Variants in ZPLD1 observed in about 807,000 individuals in gnomAD.
ZPLD1 encodes zona pellucida like domain containing 1.
Under a neutral mutation model 47.2 loss-of-function variants are expected in ZPLD1, and 34 were observed. The ratio of observed to expected loss-of-function variants is 0.72; its 90% confidence interval spans 0.55 to 0.96. ZPLD1 has a LOEUF of 0.96. ZPLD1 is among the 40% of genes least tolerant of loss of function. The pLI, the probability that ZPLD1 is intolerant of heterozygous loss-of-function variation, is 0.00. For missense variants in ZPLD1, 512 were observed against 505.8 expected, an observed-to-expected ratio of 1.01 and a Z score of -0.12; for synonymous variants, 176 against 186.2, an observed-to-expected ratio of 0.95 and a Z score of 0.45.
intron 7 of ZPLD1, among the ~76,000 whole-genome samples, chr3:102,399,730 CA>C (rs1342807187): frequency 6.6e-6 from 1 of 151,896 alleles, no homozygotes; most frequent in Non-Finnish European, 1.5e-5. Context: ...TTTTAGGAAC[CA>C]TTTTTTGAAT....
rs1454584237 is a variant in ZPLD1, at chr3:102,429,555, A to G, written c.-8-8925A>G. ...GTTTACTGGATTGGGGGGGAAAGTT[A>G]TATAATATATTTTTTATGAATTGAG... On this transcript the variant is annotated intron_variant, in intron 8 of 17. Transcript: ENST00000491959. Among the ~76,000 whole-genome samples, 5 of 152,126 alleles carry G rather than the reference A, an allele frequency of 3.3e-5. No individual in the cohort carries two copies. The South Asian group carries it at 6.2e-4, about 19-fold the overall frequency.
At position 102,438,556 on chromosome 3, in the gene ZPLD1, C is replaced by T. The variant is rs774216250; in HGVS notation, c.69C>T (p.Gly23=). ...TTCCGGGGTCTGCTCAGTTCAACGG[C>T]TACAACTGTGATGCCAACCTCCACA... is the stretch of plus-strand genomic sequence containing the variant. ...RVLPGSAQFN[G]YNCDANLHSR... The change falls in exon 3 of 12, where the codon GGC becomes GGT. Residue 23 remains glycine (G), a synonymous_variant. Transcript: ENST00000466937. The T allele has an allele frequency of 6.2e-7, 1 of 1,613,938 alleles. No individual in the cohort carries two copies. Among genetic ancestry groups the T allele is most frequent in the Non-Finnish European group, 8.5e-7 (1 of 1,179,820 alleles).
In ZPLD1 at chr3:102,407,595, T is replaced by A. The variant is rs192034617; in HGVS notation, c.-156-10465T>A. Among the ~76,000 whole-genome samples, 200 of 151,108 alleles carry A rather than the reference T, an allele frequency of 1.3e-3. 1 individual carries two copies. The highest frequency in any genetic ancestry group is 4.6e-3 in the African/African-American group (192 of 41,372). The stretch of plus-strand genomic sequence containing the variant: ...TTCAATGATTGATTAATTTATATAT[T>A]TGACTAGTATTTATTGATATTTTGC... On this transcript the variant is annotated intron_variant, in intron 7 of 17. Coordinates refer to the ZPLD1 transcript ENST00000491959.
upstream of ZPLD1, among the ~76,000 whole-genome samples, chr3:102,430,586 G>A (rs1220486955): frequency 6.6e-6 from 1 of 152,190 alleles, no homozygotes; most frequent in African/African-American, 2.4e-5. Context: ...CTCAAAGAGA[G>A]GAGTACTATA....
intron 1 of ZPLD1, among the ~76,000 whole-genome samples, chr3:102,435,950 G>A (rs1394318518): frequency 6.6e-6 from 1 of 152,134 alleles, no homozygotes; most frequent in African/African-American, 2.4e-5. Context: ...CCATTATCTT[G>A]ATTTTTAAAT....
At chr3:102,419,514 T>C (rs1456805449) in intron 8 of ZPLD1, among the ~76,000 whole-genome samples, 1 of 151,514 alleles carries the variant, frequency 6.6e-6, no homozygotes, top group Non-Finnish European at 1.5e-5. Context: ...TCTTTGTTTC[T>C]CTCTCTCTTG....
chr3:102,423,144 T>C (rs949402813), intron 8 of ZPLD1, among the ~76,000 whole-genome samples: 9 of 152,086 alleles, frequency 5.9e-5, no homozygotes, highest in Non-Finnish European at 1.2e-4. Context: ...TTCATTTTCA[T>C]TGGGTTGACA....
rs1576162712 is a variant in ZPLD1, at chr3:102,462,363, C to T, written c.665C>T (p.Thr222Ile). ...KTKVFAAVQATNLDGRWNVLM... is the reference protein window; with the variant it reads ...KTKVFAAVQAINLDGRWNVLM... ...AAAGTATTTGCAGCTGTCCAAGCCA[C>T]TAATTTGGATGGCAGGTAATTTCAA... is the stretch of plus-strand genomic sequence containing the variant. The change falls in exon 7 of 12, where the codon ACT (threonine) becomes ATT (isoleucine). Residue 222 changes from threonine (T) to isoleucine (I), a missense_variant. Transcript: ENST00000466937. The T allele has an allele frequency of 6.2e-7, 1 of 1,608,236 alleles. No homozygotes were observed. Among genetic ancestry groups the T allele is most frequent in the Non-Finnish European group, 8.5e-7 (1 of 1,177,324 alleles).
chr3:102,430,788 A>G (rs190327536), upstream of ZPLD1, among the ~76,000 whole-genome samples: 4 of 152,192 alleles, frequency 2.6e-5, no homozygotes, highest in African/African-American at 7.2e-5. Flanking sequence ...TATTTTGCCT[A>G]TCATCTCTAT....
chr3:102,470,601 T>G, intron 10 of ZPLD1, 99 bp downstream of exon 10: 1 of 847,204 alleles, frequency 1.2e-6, no homozygotes, highest in Non-Finnish European at 1.9e-6. Context: ...TAAACAGCAC[T>G]AATTAATTGT....
intron 3 of ZPLD1, among the ~76,000 whole-genome samples, chr3:102,440,332 A>G (rs1483522117): frequency 6.6e-6 from 1 of 152,194 alleles, no homozygotes; most frequent in Non-Finnish European, 1.5e-5. Context: ...AAGCATTACA[A>G]GGGGACAGTT....
At chr3:102,387,128 T>A (rs1330427967) in intron 6 of ZPLD1, among the ~76,000 whole-genome samples, 1 of 152,192 alleles carries the variant, frequency 6.6e-6, no homozygotes, top group Non-Finnish European at 1.5e-5. Flanking sequence ...CATTCTTTCC[T>A]GTAAATTAAC....
At chr3:102,460,068 T>A (rs957230757) in intron 6 of ZPLD1, among the ~76,000 whole-genome samples, 1 of 152,042 alleles carries the variant, frequency 6.6e-6, no homozygotes, top group Non-Finnish European at 1.5e-5. Context: ...CTAGAAAAAA[T>A]TTTGATATAC....
In ZPLD1 at chr3:102,436,929, C is replaced by T. The variant is rs1164124870; in HGVS notation, c.-53C>T. 1 of 985,414 alleles carries T rather than the reference C, an allele frequency of 1.0e-6. No homozygotes were observed. Among genetic ancestry groups the T allele is most frequent in the Non-Finnish European group, 1.2e-6 (1 of 829,948 alleles). 61.0% of individuals were successfully genotyped at this position (985,414 alleles called of 1,614,324 possible). On this transcript the variant is annotated 5_prime_UTR_variant, in exon 2 of 12. Transcript: ENST00000466937. ...CAATGTCTTCCAGGAGTTCTTGGGA[C>T]CCATCATGAGAAGGAAGTGGTGGAG... is the stretch of plus-strand genomic sequence containing the variant.
chr3:102,449,132 C>G (rs976814127), intron 3 of ZPLD1, among the ~76,000 whole-genome samples: 8 of 152,228 alleles, frequency 5.3e-5, no homozygotes, highest in African/African-American at 1.9e-4. Context: ...CCCAGCCAGC[C>G]TGAGCATATT....
intron 7 of ZPLD1, among the ~76,000 whole-genome samples, chr3:102,463,883 C>CAA (rs1211126564): frequency 0.022 from 2,446 of 110,124 alleles, 60 homozygotes; most frequent in African/African-American, 0.066. Context: ...ATTAAAAATA[C>CAA]AAAAAAAAAA....
At chr3:102,402,651 C>A (rs1360146363) in intron 7 of ZPLD1, among the ~76,000 whole-genome samples, 2 of 151,884 alleles carry the variant, frequency 1.3e-5, no homozygotes, top group Non-Finnish European at 2.9e-5. Flanking sequence ...GCTTGGGTAT[C>A]CCTGACTTTC....
At chr3:102,471,381 A>T (rs1707683252) in intron 10 of ZPLD1, among the ~76,000 whole-genome samples, 1 of 152,254 alleles carries the variant, frequency 6.6e-6, no homozygotes, top group Non-Finnish European at 1.5e-5. Flanking sequence ...AACACTCCGT[A>T]CATGGCCCAG....
chr3:102,426,128 ACATG>A (rs1479185449), intron 8 of ZPLD1, among the ~76,000 whole-genome samples: 14 of 138,522 alleles, frequency 1.0e-4, no homozygotes, highest in Middle Eastern at 3.4e-3. Flanking sequence ...ACACACACAC[ACATG>A]CACACACACA....
Sources: allele counts gnomAD v4.1 joint callset (sites outside exome capture counted in the v4.1 genomes callset), GRCh38; gene constraint gnomAD v4.1.1; transcripts MANE v1.5; gene names NCBI Gene and HGNC (gene_info 2026-07-23, HGNC 2026-07-21).